Variants in DLGAP2 observed in about 807,000 individuals in gnomAD.
DLGAP2 encodes DLG associated protein 2, also known as disks large-associated protein 2.
DLGAP2 carries 26 observed loss-of-function variants against 100.3 expected under a neutral mutation model. That is an observed-to-expected ratio of 0.26 (90% confidence interval 0.19 to 0.36). The LOEUF is 0.36. DLGAP2 is among the 10% of genes least tolerant of loss of function. The probability of loss-of-function intolerance (pLI) is 1.00; values close to 1 mark genes in which losing one functional copy is unlikely to be tolerated. For synonymous variants in DLGAP2, 886 were observed against 630.1 expected, an observed-to-expected ratio of 1.41 and a Z score of -6.08; for missense variants, 1,858 against 1,453.2, an observed-to-expected ratio of 1.28 and a Z score of -4.53.
intron 2 of DLGAP2, among the ~76,000 whole-genome samples, chr8:1,242,095 C>G (rs746010558): frequency 6.6e-6 from 1 of 152,114 alleles, no homozygotes; most frequent in Non-Finnish European, 1.5e-5. Context: ...TGTAGATAAA[C>G]CTACCTAAAG....
chr8:1,131,608 C>T lies in DLGAP2; in HGVS notation c.74-127243C>T, dbSNP rs182219247. ...CCGTGTGAATTTAGGGGGACACGAACACCTGCTCCATACAGTGACTTTCAT... is the reference window on the plus strand; with the variant it reads ...CCGTGTGAATTTAGGGGGACACGAATACCTGCTCCATACAGTGACTTTCAT... On this transcript the variant is annotated intron_variant, in intron 2 of 14. Coordinates refer to ENST00000637795, the MANE Select transcript of DLGAP2 (RefSeq NM_001346810.2). Among the ~76,000 whole-genome samples, 215 of 152,162 alleles carry T rather than the reference C, an allele frequency of 1.4e-3. 1 individual carries two copies. The highest frequency in any genetic ancestry group is 0.011 in the South Asian group (55 of 4,798).
At chr8:1,017,082 T>A (rs1322735353) in intron 2 of DLGAP2, among the ~76,000 whole-genome samples, 1 of 10,176 alleles carries the variant, frequency 9.8e-5, no homozygotes, top group African/African-American at 5.2e-4. Context: ...ACTGTGTGTG[T>A]GACCAGGACA....
intron 2 of DLGAP2, among the ~76,000 whole-genome samples, chr8:1,052,792 T>C (rs1188534563): frequency 6.6e-6 from 1 of 152,104 alleles, no homozygotes; most frequent in Non-Finnish European, 1.5e-5. Context: ...TAAGAGAGGC[T>C]GGGAGCATTT....
In DLGAP2 at chr8:1,588,792, C is replaced by T. The variant is rs564204560; in HGVS notation, c.1442+22898C>T. ...AAAAAATTAGCTGAGCATGGTAGTA[C>T]ATGCCTGTAATCCCAGCTACTCAGA... On this transcript the variant is annotated intron_variant, in intron 6 of 14. Coordinates refer to ENST00000637795, the MANE Select transcript of DLGAP2 (RefSeq NM_001346810.2). Among the ~76,000 whole-genome samples the T allele has an allele frequency of 1.0e-3, 144 of 139,584 alleles. 2 individuals carry two copies. Among genetic ancestry groups the T allele is most frequent in the African/African-American group, 3.5e-3 (131 of 37,704 alleles). The allele number at this position is 139,584 out of a possible 152,430, so 91.6% of individuals were successfully genotyped here. A position where few individuals can be genotyped will look rare whatever the true frequency, so the allele number is the denominator to read the frequency against.
intron 1 of DLGAP2, among the ~76,000 whole-genome samples, chr8:872,003 A>C (rs58474817): frequency 6.6e-6 from 1 of 152,158 alleles, no homozygotes; most frequent in South Asian, 2.1e-4. Flanking sequence ...TTCCACACAT[A>C]TAACAGATTT....
At chr8:843,156 G>A (rs969293360) in intron 1 of DLGAP2, among the ~76,000 whole-genome samples, 6 of 152,200 alleles carry the variant, frequency 3.9e-5, no homozygotes, top group African/African-American at 1.2e-4. Flanking sequence ...TGATCTTAAT[G>A]TAGGTGAACT....
At chr8:1,119,835 C>T (rs369897936) in intron 2 of DLGAP2, among the ~76,000 whole-genome samples, 2 of 152,286 alleles carry the variant, frequency 1.3e-5, no homozygotes, top group African/African-American at 4.8e-5. Flanking sequence ...GTGGTTGGCA[C>T]CATGATTTTA....
intron 2 of DLGAP2, among the ~76,000 whole-genome samples, chr8:1,207,585 G>T (rs566527415): frequency 3.3e-5 from 5 of 152,288 alleles, no homozygotes; most frequent in African/African-American, 7.2e-5. Context: ...AGATACTCAC[G>T]AGTGGGATTG....
chr8:901,366 T>C (rs927394796), intron 1 of DLGAP2, among the ~76,000 whole-genome samples: 2 of 152,228 alleles, frequency 1.3e-5, no homozygotes, highest in African/African-American at 4.8e-5. Context: ...TTCTCTATTA[T>C]TTGAATTTCT....
At chr8:1,130,532 C>A (rs1473313995) in intron 2 of DLGAP2, among the ~76,000 whole-genome samples, 1 of 152,096 alleles carries the variant, frequency 6.6e-6, no homozygotes, top group Non-Finnish European at 1.5e-5. Flanking sequence ...ACTCATGCAC[C>A]CATTAGATAA....
intron 6 of DLGAP2, among the ~76,000 whole-genome samples, chr8:1,571,356 G>A (rs1387898137): frequency 1.7e-5 from 2 of 115,830 alleles, no homozygotes; most frequent in Admixed American, 8.9e-5. Flanking sequence ...GGGGGCATCT[G>A]ATGAGATGGA....
At chr8:1,419,901 G>C (rs1797042412) in intron 3 of DLGAP2, among the ~76,000 whole-genome samples, 1 of 152,196 alleles carries the variant, frequency 6.6e-6, no homozygotes, top group African/African-American at 2.4e-5. Flanking sequence ...ACAATAGCCA[G>C]GAGATGGAAT....
At position 1,703,200 on chromosome 8, in the gene DLGAP2, C is replaced by G. The variant is rs919526131; in HGVS notation, c.*1794C>G. ...TAAGAATTCCCTGTAAAAACAAAACCCTGTAAATTGAGCCTCATGTCTGGT... is the reference window on the plus strand; with the variant it reads ...TAAGAATTCCCTGTAAAAACAAAACGCTGTAAATTGAGCCTCATGTCTGGT... On this transcript the variant is annotated 3_prime_UTR_variant, in exon 15 of 15. Coordinates refer to ENST00000637795, the MANE Select transcript of DLGAP2 (RefSeq NM_001346810.2). 6.6e-6 allele frequency: 1 copy of G among 152,514 alleles called. No individual in the cohort carries two copies. The highest frequency in any genetic ancestry group is 2.4e-5 in the African/African-American group (1 of 41,470). The allele number at this position is 152,514 out of a possible 1,614,324, so 9.4% of individuals were successfully genotyped here. A position where few individuals can be genotyped will look rare whatever the true frequency, so the allele number is the denominator to read the frequency against.
intron 3 of DLGAP2, among the ~76,000 whole-genome samples, chr8:1,316,129 G>A (rs370053035): frequency 8.7e-6 from 1 of 114,756 alleles, no homozygotes; most frequent in Non-Finnish European, 1.8e-5. Context: ...AAAATAGAGC[G>A]TGTGCGAGTG....
chr8:1,599,788 C>T (rs1436450034), intron 6 of DLGAP2, among the ~76,000 whole-genome samples: 1 of 152,102 alleles, frequency 6.6e-6, no homozygotes, highest in Non-Finnish European at 1.5e-5. Context: ...AGATGGGTCT[C>T]CTGAATACAG....
Position 1,047,291 on chromosome 8 carries a change from A to G in DLGAP2, c.73+139325A>G, listed in dbSNP as rs142398587. 2.8e-3 allele frequency among the ~76,000 whole-genome samples: 426 copies of G among 152,328 alleles called. 2 individuals carry two copies. The highest frequency in any genetic ancestry group is 9.2e-3 in the African/African-American group (383 of 41,578). Reference sequence around the variant, plus strand: ...CACTTAGCAAGGTTGTCAAGCTTCTATATTTTATGATATACAGGTTGAGTA... The same window carrying G: ...CACTTAGCAAGGTTGTCAAGCTTCTGTATTTTATGATATACAGGTTGAGTA... On this transcript the variant is annotated intron_variant, in intron 2 of 14. Coordinates refer to ENST00000637795, the MANE Select transcript of DLGAP2 (RefSeq NM_001346810.2).
At chr8:857,484 A>G (rs937205734) in intron 1 of DLGAP2, among the ~76,000 whole-genome samples, 1 of 152,272 alleles carries the variant, frequency 6.6e-6, no homozygotes, top group African/African-American at 2.4e-5. Context: ...TCAAATTTCA[A>G]TGGTGAGAAA....
intron 2 of DLGAP2, among the ~76,000 whole-genome samples, chr8:1,220,241 A>G (rs546004622): frequency 1.3e-5 from 2 of 152,234 alleles, no homozygotes; most frequent in Non-Finnish European, 2.9e-5. Context: ...TGATGTAATC[A>G]TTTAGTGCTA....
chr8:776,870 T>C (rs1240954538), intron 1 of DLGAP2, among the ~76,000 whole-genome samples: 1 of 152,224 alleles, frequency 6.6e-6, no homozygotes, highest in African/African-American at 2.4e-5. Flanking sequence ...TTAGGTCCAC[T>C]TGTTGCAGAG....
Sources: allele counts gnomAD v4.1 joint callset (sites outside exome capture counted in the v4.1 genomes callset), GRCh38; gene constraint gnomAD v4.1.1; transcripts MANE v1.5; gene names NCBI Gene and HGNC (gene_info 2026-07-23, HGNC 2026-07-21).